The following TAB2 variants were observed in gnomAD, a reference collection of about 807,000 sequenced individuals.
TAB2 encodes TGF-beta activated kinase 1 (MAP3K7) binding protein 2.
A neutral mutation model predicts 65.0 loss-of-function variants in TAB2; 3 were observed. The observed-to-expected ratio is 0.05, with a 90% CI of 0.02 to 0.12. The LOEUF (loss-of-function observed/expected upper bound fraction) is 0.12, where lower values mean the gene tolerates loss of function less well. Ranked by LOEUF, TAB2 falls within the 10% of genes least tolerant of loss-of-function variation. TAB2 has a pLI of 1.00. For synonymous variants in TAB2, 298 were observed against 285.1 expected (o/e 1.05, Z -0.46); for missense variants, 623 against 840.3 (o/e 0.74, Z 3.20).
intron 6 of TAB2, among the ~76,000 whole-genome samples, chr6:149,403,355 CACACACACACACACACACAT>C (rs1782547486): frequency 7.1e-6 from 1 of 141,532 alleles, no homozygotes; most frequent in African/African-American, 2.7e-5. Flanking sequence ...CACACACACA[CACACACACACACACACACAT>C]ACACATACAC....
intron 1 of TAB2, among the ~76,000 whole-genome samples, chr6:149,329,921 A>G (rs967830582): frequency 1.6e-4 from 24 of 152,138 alleles, no homozygotes; most frequent in Non-Finnish European, 2.9e-5. Context: ...TGTGACCTTC[A>G]CAATTAGGTT....
intron 1 of TAB2, among the ~76,000 whole-genome samples, chr6:149,318,277 G>GGC (rs1554258501): frequency 6.6e-6 from 1 of 151,828 alleles, no homozygotes; most frequent in Non-Finnish European, 1.5e-5. Flanking sequence ...TCCGTGCGGG[G>GGC]GGGGAGGGGG....
At chr6:149,308,892 C>G (rs1174019560) in intron 1 of TAB2, among the ~76,000 whole-genome samples, 2 of 151,978 alleles carry the variant, frequency 1.3e-5, no homozygotes, top group Admixed American at 6.6e-5. Context: ...TTTTAATAAC[C>G]TTTTGCATAT....
At chr6:149,228,770 A>G (rs1777338230) in intron 1 of TAB2, among the ~76,000 whole-genome samples, 1 of 152,256 alleles carries the variant, frequency 6.6e-6, no homozygotes, top group African/African-American at 2.4e-5. Context: ...TAAGAGTCCC[A>G]ATGTACCAAT....
chr6:149,388,897 G>A (rs1009397950), intron 3 of TAB2, among the ~76,000 whole-genome samples: 5 of 149,374 alleles, frequency 3.3e-5, no homozygotes, highest in Non-Finnish European at 7.4e-5. Context: ...TGGGTTTTGT[G>A]TCTTATTTAG....
At chr6:149,382,143 G>A (rs1423350691) in intron 3 of TAB2, among the ~76,000 whole-genome samples, 2 of 152,120 alleles carry the variant, frequency 1.3e-5, no homozygotes, top group Non-Finnish European at 2.9e-5. Flanking sequence ...CTTACCACCT[G>A]CTCACTGTGT....
chr6:149,347,900 T>C (rs1780356151), intron 1 of TAB2, among the ~76,000 whole-genome samples: 1 of 152,202 alleles, frequency 6.6e-6, no homozygotes, highest in Non-Finnish European at 1.5e-5. Context: ...ATATGATTCT[T>C]ATTTTATGTT....
chr6:149,275,264 G>GAAAT (rs1778444305), intron 1 of TAB2, among the ~76,000 whole-genome samples: 1 of 146,128 alleles, frequency 6.8e-6, no homozygotes, highest in Admixed American at 6.9e-5. Context: ...AAGAAAGAAA[G>GAAAT]AAAGAAAGAA....
At chr6:149,407,698 A>C (rs1002898800) in intron 6 of TAB2, among the ~76,000 whole-genome samples, 5 of 152,070 alleles carry the variant, frequency 3.3e-5, no homozygotes, top group Non-Finnish European at 5.9e-5. Flanking sequence ...CTAAAATTAA[A>C]TGTGTTTAGA....
rs377161516 is a variant in TAB2 at position 149,239,615 on chromosome 6, C to T, written c.-121+20839C>T. 3.3e-4 allele frequency among the ~76,000 whole-genome samples: 50 copies of T among 152,308 alleles called. 1 individual carries two copies. The East Asian group carries it at 7.7e-3, about 23-fold the overall frequency. On this transcript the variant is annotated intron_variant, in intron 1 of 1. Transcript: ENST00000606202. Reference sequence around the variant, plus strand: ...AAGAAAAACCCAACTGTATTTTATTCGAGCTGCTTCTACACACTTTATTTT... The same window carrying T: ...AAGAAAAACCCAACTGTATTTTATTTGAGCTGCTTCTACACACTTTATTTT...
At chr6:149,370,145 T>C in intron 2 of TAB2, 46 bp downstream of exon 2, 1 of 1,503,162 alleles carries the variant, frequency 6.7e-7, no homozygotes, top group Non-Finnish European at 9.2e-7. Context: ...AACCTGGTAT[T>C]TTTTTAAACA....
intron 1 of TAB2, among the ~76,000 whole-genome samples, chr6:149,267,866 A>G (rs1210884256): frequency 6.6e-6 from 1 of 152,204 alleles, no homozygotes; most frequent in South Asian, 2.1e-4. Context: ...GAAAACGTAC[A>G]GTGAAAATAT....
chr6:149,374,243 G>C (rs899015037), intron 2 of TAB2, among the ~76,000 whole-genome samples: 1 of 152,156 alleles, frequency 6.6e-6, no homozygotes, highest in African/African-American at 2.4e-5. Context: ...TTTGGAGACT[G>C]GGTCTCGCTC....
At chr6:149,318,957 C>T (rs993510569) in intron 1 of TAB2, among the ~76,000 whole-genome samples, 4 of 152,164 alleles carry the variant, frequency 2.6e-5, no homozygotes, top group African/African-American at 7.2e-5. Context: ...GGGGTTTCTC[C>T]GTAGTTCACG....
chr6:149,274,493 A>T (rs1295262764), intron 1 of TAB2, among the ~76,000 whole-genome samples: 1 of 152,200 alleles, frequency 6.6e-6, no homozygotes, highest in Admixed American at 6.5e-5. Context: ...TCAAGCAAGT[A>T]GCCAGACAAT....
At chr6:149,334,713 G>A (rs1779883392) in intron 1 of TAB2, among the ~76,000 whole-genome samples, 1 of 151,734 alleles carries the variant, frequency 6.6e-6, no homozygotes. Context: ...AGTAGAACAA[G>A]CAGTCAAACA....
At chr6:149,291,314 A>G (rs1778772457) in intron 1 of TAB2, 1 of 152,270 alleles carries the variant, frequency 6.6e-6, no homozygotes, top group East Asian at 1.9e-4. Flanking sequence ...TCAGAATTTT[A>G]CTGTGACTGG....
intron 1 of TAB2, among the ~76,000 whole-genome samples, chr6:149,250,035 C>G (rs1285898395): frequency 6.6e-6 from 1 of 152,034 alleles, no homozygotes; most frequent in Non-Finnish European, 1.5e-5. Context: ...ACAGGAAGGG[C>G]ATTCCAGGGA....
chr6:149,226,440 T>C (rs990404345), intron 1 of TAB2, among the ~76,000 whole-genome samples: 1 of 152,200 alleles, frequency 6.6e-6, no homozygotes, highest in Non-Finnish European at 1.5e-5. Flanking sequence ...CAATCCCTAT[T>C]CCGTGGTCAG....
Sources: allele counts gnomAD v4.1 joint callset (sites outside exome capture counted in the v4.1 genomes callset), GRCh38; gene constraint gnomAD v4.1.1; transcripts MANE v1.5; gene names NCBI Gene and HGNC (gene_info 2026-07-23, HGNC 2026-07-21).